The following IGF2 variants were observed in gnomAD, a reference collection of about 807,000 sequenced individuals.
The protein encoded by IGF2 is insulin-like growth factor 2.
A neutral mutation model predicts 12.0 loss-of-function variants in IGF2; 2 were observed. The observed-to-expected ratio is 0.17, with a 90% CI of 0.07 to 0.52. The LOEUF is 0.52. IGF2 is among the 20% of genes least tolerant of loss of function. The pLI is 0.95. For missense variants in IGF2, 211 were observed against 268.0 expected (o/e 0.79, Z 1.48); for synonymous variants, 105 against 110.1 (o/e 0.95, Z 0.29).
At chr11:2,138,036 G>A (rs551235138) in intron 1 of IGF2, among the ~76,000 whole-genome samples, 193 bp downstream of exon 1, 2 of 151,952 alleles carry the variant, frequency 1.3e-5, no homozygotes, top group Non-Finnish European at 2.9e-5. Flanking sequence ...GGGTGAGCGC[G>A]GGGCTCCGCG....
At chr11:2,139,591 G>T (rs1391692724), upstream of IGF2, among the ~76,000 whole-genome samples, 1 of 145,146 alleles carries the variant, frequency 6.9e-6, no homozygotes, top group Non-Finnish European at 1.5e-5. Flanking sequence ...GGGGGGCGGC[G>T]GTCGCAGGGG....
chr11:2,138,421 G>T lies in IGF2; in HGVS notation c.-199C>A. 1.3e-6 allele frequency: 1 copy of T among 780,466 alleles called. No individual in the cohort carries two copies. Among genetic ancestry groups the T allele is most frequent in the Non-Finnish European group, 1.5e-6 (1 of 645,808 alleles). The allele number at this position is 780,466 out of a possible 1,614,324, so 48.3% of individuals were successfully genotyped here. A position where few individuals can be genotyped will look rare whatever the true frequency, so the allele number is the denominator to read the frequency against. ...GGGGGAGAATTCGTCTGATTGTCCA[G>T]GGAGGACGGGCTGTCTTCGGGCTGG... On this transcript the variant is annotated 5_prime_UTR_variant, in exon 1 of 4. It adds an upstream start codon to the 5' untranslated region. Coordinates refer to ENST00000416167, the MANE Select transcript of IGF2 (RefSeq NM_000612.6).
intron 1 of IGF2, chr11:2,137,316 T>C: frequency 1.0e-6 from 1 of 957,962 alleles, no homozygotes; most frequent in Non-Finnish European, 1.2e-6. Context: ...TCAGCTTTTA[T>C]GTGTGAGCCG....
rs1023205265 is a variant in IGF2 at position 2,130,068 on chromosome 11, G to C, written c.*2919C>G. 3 of 229,902 alleles carry C rather than the reference G, an allele frequency of 1.3e-5. No homozygotes were observed. Among genetic ancestry groups the C allele is most frequent in the African/African-American group, 2.2e-5 (1 of 45,104 alleles). 14.2% of individuals were successfully genotyped at this position (229,902 alleles called of 1,614,324 possible). A position where few individuals can be genotyped will look rare whatever the true frequency, so the allele number is the denominator to read the frequency against. On this transcript the variant is annotated 3_prime_UTR_variant, in exon 4 of 4. Coordinates refer to ENST00000416167, the MANE Select transcript of IGF2 (RefSeq NM_000612.6). Reference sequence around the variant, plus strand: ...GAGACAAGGCAGGGTGCTGAGGGGCGGGCAAGATGTCACCGAGGGAGAGGG... The same window carrying C: ...GAGACAAGGCAGGGTGCTGAGGGGCCGGCAAGATGTCACCGAGGGAGAGGG...
Position 2,138,271 on chromosome 11 carries a change from C to G in IGF2, c.-49G>C. On this transcript the variant is annotated 5_prime_UTR_variant, in exon 1 of 4. Coordinates refer to ENST00000416167, the MANE Select transcript of IGF2 (RefSeq NM_000612.6). ...TGCCGCCCACCTCCCTGCTGCGTGT[C>G]GCAAACCGAACAGCGGGCGTTGGCC... 2.0e-6 allele frequency: 2 copies of G among 985,238 alleles called. No individual in the cohort carries two copies. The highest frequency in any genetic ancestry group is 2.4e-6 in the Non-Finnish European group (2 of 829,808). The allele number at this position is 985,238 out of a possible 1,614,324, so 61.0% of individuals were successfully genotyped here. A position where few individuals can be genotyped will look rare whatever the true frequency, so the allele number is the denominator to read the frequency against.
the IGF2 span, chr11:2,146,384 G>GCTCGCTCCC: frequency 1.9e-6 from 1 of 535,034 alleles, no homozygotes; most frequent in African/African-American, 1.9e-5. Flanking sequence ...CTGACCTTGC[G>GCTCGCTCCC]CTCACTCCCC....
the IGF2 span, chr11:2,147,942 C>T: frequency 1.3e-5 from 7 of 536,550 alleles, no homozygotes; most frequent in South Asian, 6.0e-4. This position sits in a 1 kb window ranked among gnomAD's most constrained non-coding sequence, Gnocchi z 7.2. Flanking sequence ...AGGATCTGGG[C>T]AGCGGCTTCC....
At chr11:2,142,571 A>G (rs954415587), upstream of IGF2, among the ~76,000 whole-genome samples, 9 of 152,218 alleles carry the variant, frequency 5.9e-5, no homozygotes, top group African/African-American at 2.2e-4. This position sits in a 1 kb window ranked among gnomAD's most constrained non-coding sequence, Gnocchi z 5.7. Context: ...GAGGGCCTGG[A>G]GGGCAGCGTC....
intron 2 of IGF2, among the ~76,000 whole-genome samples, chr11:2,134,626 C>A (rs1003961056): frequency 6.6e-6 from 1 of 152,206 alleles, no homozygotes; most frequent in Admixed American, 6.5e-5. Flanking sequence ...ATAAGCCGTG[C>A]GGCCTCTGCC....
At chr11:2,144,136 G>T (rs1175954843), upstream of IGF2, among the ~76,000 whole-genome samples, 1 of 152,160 alleles carries the variant, frequency 6.6e-6, no homozygotes, top group African/African-American at 2.4e-5. Context: ...GTTTGTGGCG[G>T]CAGCCCGAGC....
chr11:2,149,229 A>G, the IGF2 span: 1 of 1,613,428 alleles, frequency 6.2e-7, no homozygotes, highest in Non-Finnish European at 8.5e-7. Flanking sequence ...TGCCTGGACG[A>G]TGATCCGCCG....
In IGF2 at chr11:2,129,527, G is replaced by A. The variant is rs1441825620; in HGVS notation, c.*3460C>T. 2 of 228,040 alleles carry A rather than the reference G, an allele frequency of 8.8e-6. No homozygotes were observed. Among genetic ancestry groups the A allele is most frequent in the African/African-American group, 2.2e-5 (1 of 45,010 alleles). 14.1% of individuals were successfully genotyped at this position (228,040 alleles called of 1,614,324 possible). A position where few individuals can be genotyped will look rare whatever the true frequency, so the allele number is the denominator to read the frequency against. On this transcript the variant is annotated 3_prime_UTR_variant, in exon 4 of 4. Coordinates refer to ENST00000416167, the MANE Select transcript of IGF2 (RefSeq NM_000612.6). This position sits in a 1 kb window ranked among gnomAD's most constrained non-coding sequence, Gnocchi z 8.1. ...CGAGGCAGAATATAACACTGGGTGG[G>A]TGGGTGTCCTGACGAATGGGCAGGT...
chr11:2,136,389 A>G (rs180746200), intron 1 of IGF2, among the ~76,000 whole-genome samples: 14 of 152,360 alleles, frequency 9.2e-5, no homozygotes, highest in Admixed American at 3.9e-4. Flanking sequence ...AGACCAGCTC[A>G]GGCCACCTGG....
At chr11:2,140,868 A>T (rs777252534), upstream of IGF2, 8 of 361,710 alleles carry the variant, frequency 2.2e-5, no homozygotes, top group Non-Finnish European at 4.3e-5. Context: ...GCGAAGCTGG[A>T]GGCTGCGTCC....
rs1423254162 is a variant in IGF2 at position 2,133,049 on chromosome 11, G to A, written c.481C>T (p.Leu161=). Residue 161 remains leucine (L), a synonymous_variant, in exon 4 of 4, where the codon CTA becomes TTA. Transcript: ENST00000416167. The surrounding 1 kb of genome is among the most constrained non-coding windows in gnomAD (Gnocchi z 8.9). ...CCGTGGGCGGGGTCTTGGGTGGGTAGAGCAATCAGGGGACGGTGACGTTTG... is the reference window on the plus strand; with the variant it reads ...CCGTGGGCGGGGTCTTGGGTGGGTAAAGCAATCAGGGGACGGTGACGTTTG... ...EAKRHRPLIA[L]PTQDPAHGGA... is the part of the protein sequence containing the mutation. The A allele has an allele frequency of 4.4e-6, 7 of 1,599,994 alleles. No homozygotes were observed. In the East Asian group the frequency reaches 1.6e-4, roughly 36 times the overall value.
chr11:2,140,069 A>G, upstream of IGF2: 2 of 1,522,322 alleles, frequency 1.3e-6, no homozygotes, highest in Admixed American at 1.8e-5. Flanking sequence ...CCAGGCTTGG[A>G]GCCTACGGAG....
chr11:2,130,210 C>G lies in IGF2; in HGVS notation c.*2777G>C, dbSNP rs1259583765. 8.6e-6 allele frequency: 2 copies of G among 231,484 alleles called. No individual in the cohort carries two copies. The allele number at this position is 231,484 out of a possible 1,614,324, so 14.3% of individuals were successfully genotyped here. Reference sequence around the variant, plus strand: ...CAGCCTCAGGCCAGCCAGGAGCCCCCTCCTGTGGCCTCCGAGCACCCTCCT... The same window carrying G: ...CAGCCTCAGGCCAGCCAGGAGCCCCGTCCTGTGGCCTCCGAGCACCCTCCT... On this transcript the variant is annotated 3_prime_UTR_variant, in exon 4 of 4. Transcript: ENST00000416167.
In IGF2 at chr11:2,131,037, A is replaced by G. The variant is rs59196953; in HGVS notation, c.*1950T>C. ...TTCCTCACTCTGGCTGGGCCAACAC[A>G]CAGTAAGTAAGGTGTATCGGGAATG... On this transcript the variant is annotated 3_prime_UTR_variant, in exon 4 of 4. Coordinates refer to ENST00000416167, the MANE Select transcript of IGF2 (RefSeq NM_000612.6). The G allele has an allele frequency of 0.013, 2,987 of 230,436 alleles. 88 individuals carry two copies. The highest frequency in any genetic ancestry group is 0.062 in the African/African-American group (2,805 of 45,088). 14.3% of individuals were successfully genotyped at this position (230,436 alleles called of 1,614,324 possible).
At chr11:2,140,260 G>A, upstream of IGF2, 2 of 1,612,984 alleles carry the variant, frequency 1.2e-6, no homozygotes, top group South Asian at 1.1e-5. Context: ...TCGGTCTCGG[G>A]GGCCACCACG....
Sources: gnomAD v4.1 joint callset for allele counts (sites outside exome capture counted in the v4.1 genomes callset) on GRCh38, gnomAD v4.1.1 for gene constraint, Gnocchi (gnomAD v3.1) non-coding constraint, MANE v1.5 for transcripts, NCBI Gene and HGNC (gene_info 2026-07-23, HGNC 2026-07-21) for gene names.